Variants in LDAH observed in about 807,000 individuals in gnomAD.
LDAH encodes the protein lipid droplet associated hydrolase.
In LDAH, 26 loss-of-function variants were observed where a neutral mutation model predicts 29.6. The ratio of observed to expected loss-of-function variants is 0.88; its 90% confidence interval spans 0.64 to 1.22. The LOEUF is 1.22. Among genes scored for constraint, LDAH ranks in the 50% most tolerant of loss-of-function variants. LDAH has a pLI of 0.00. For missense variants in LDAH, 344 were observed against 387.3 expected, an observed-to-expected ratio of 0.89 and a Z score of 0.94; for synonymous variants, 117 against 133.0, an observed-to-expected ratio of 0.88 and a Z score of 0.83.
chr2:20,733,397 A>ATTT lies in LDAH; in HGVS notation c.703+6571_703+6573dup, dbSNP rs34191708. The stretch of plus-strand genomic sequence containing the variant: ...ACAGGCTATACCTCCATGCCTGGCT[A>ATTT]TTTTTTTTTTTTTTTTTTTTGAGAC... On this transcript the variant is annotated intron_variant, in intron 5 of 6. Transcript: ENST00000237822. Among the ~76,000 whole-genome samples, 38 of 111,882 alleles carry ATTT rather than the reference A, an allele frequency of 3.4e-4. No homozygotes were observed. In the East Asian group the frequency reaches 4.2e-3, roughly 12 times the overall value. The allele number at this position is 111,882 out of a possible 152,430, so 73.4% of individuals were successfully genotyped here. A position where few individuals can be genotyped will look rare whatever the true frequency, so the allele number is the denominator to read the frequency against.
chr2:20,782,752 T>C (rs112846507), intron 3 of LDAH, among the ~76,000 whole-genome samples: 5,093 of 152,260 alleles, frequency 0.033, 250 homozygotes, highest in African/African-American at 0.11. Flanking sequence ...ATTAATTTTA[T>C]TAGTCTTTTA....
At chr2:20,790,222 T>C in intron 3 of LDAH, 33 bp downstream of exon 3, 1 of 1,611,958 alleles carries the variant, frequency 6.2e-7, no homozygotes. Context: ...CTGCACTCAC[T>C]CTAAAGGAAA....
intron 5 of LDAH, among the ~76,000 whole-genome samples, chr2:20,727,113 C>T (rs973505054): frequency 2.0e-5 from 3 of 152,150 alleles, no homozygotes; most frequent in Non-Finnish European, 4.4e-5. Flanking sequence ...CATGACGGCT[C>T]ACACCTGTAA....
chr2:20,777,174 T>C (rs1669875792), intron 3 of LDAH, among the ~76,000 whole-genome samples: 1 of 152,306 alleles, frequency 6.6e-6, no homozygotes, highest in Admixed American at 6.5e-5. Context: ...GAAAATGGGC[T>C]AAATATTCTA....
At chr2:20,807,399 T>C (rs1340469777) in intron 1 of LDAH, among the ~76,000 whole-genome samples, 1 of 152,132 alleles carries the variant, frequency 6.6e-6, no homozygotes, top group African/African-American at 2.4e-5. Flanking sequence ...AATTTTTACT[T>C]TAAAATGTAC....
intron 4 of LDAH, 114 bp downstream of exon 4, chr2:20,774,696 T>C: frequency 9.7e-7 from 1 of 1,028,624 alleles, no homozygotes. Context: ...CAAATATCCC[T>C]CTCTCTGTTC....
intron 4 of LDAH, among the ~76,000 whole-genome samples, chr2:20,745,345 A>G (rs1163704088): frequency 6.6e-6 from 1 of 152,200 alleles, no homozygotes; most frequent in African/African-American, 2.4e-5. Flanking sequence ...TCTAATAGAC[A>G]TCTTAACAGG....
At chr2:20,790,184 C>A in intron 3 of LDAH, 71 bp downstream of exon 3, 1 of 1,534,906 alleles carries the variant, frequency 6.5e-7, no homozygotes, top group Non-Finnish European at 8.9e-7. Flanking sequence ...TAACTCTTAA[C>A]CTTAGCAAGC....
chr2:20,789,175 G>GCC, intron 3 of LDAH: 1 of 1,550,464 alleles, frequency 6.4e-7, no homozygotes, highest in Non-Finnish European at 8.7e-7. Flanking sequence ...TGCTTATATG[G>GCC]CCCCCAAATC....
chr2:20,788,588 A>G (rs1379489714), intron 3 of LDAH, among the ~76,000 whole-genome samples: 1 of 152,216 alleles, frequency 6.6e-6, no homozygotes, highest in Non-Finnish European at 1.5e-5. Context: ...TTATTGTAAA[A>G]TATCTTTAAA....
At chr2:20,754,239 G>A (rs1000216055) in intron 4 of LDAH, among the ~76,000 whole-genome samples, 2 of 152,002 alleles carry the variant, frequency 1.3e-5, no homozygotes, top group Non-Finnish European at 2.9e-5. Flanking sequence ...TATAATCCTA[G>A]CACTCTGAGA....
At chr2:20,715,793 G>T (rs1188938552) in intron 5 of LDAH, among the ~76,000 whole-genome samples, 1 of 152,048 alleles carries the variant, frequency 6.6e-6, no homozygotes, top group Non-Finnish European at 1.5e-5. Context: ...GCTACAAAGA[G>T]AATAAAATAC....
chr2:20,746,279 T>C (rs113211745), intron 4 of LDAH, among the ~76,000 whole-genome samples: 4,544 of 152,286 alleles, frequency 0.03, 228 homozygotes, highest in African/African-American at 0.1. Context: ...ATTACTTTTA[T>C]AAACGATCCT....
At chr2:20,707,953 A>G (rs1188452213) in intron 5 of LDAH, among the ~76,000 whole-genome samples, 1 of 152,164 alleles carries the variant, frequency 6.6e-6, no homozygotes, top group East Asian at 1.9e-4. Context: ...TGAACTGAGC[A>G]TGCAAGGGAT....
At chr2:20,731,347 C>T (rs568956598) in intron 5 of LDAH, among the ~76,000 whole-genome samples, 1 of 152,254 alleles carries the variant, frequency 6.6e-6, no homozygotes, top group South Asian at 2.1e-4. Flanking sequence ...GGCACCTCTC[C>T]CACTTGTCTT....
chr2:20,701,367 TA>T (rs933965642), intron 6 of LDAH, among the ~76,000 whole-genome samples: 8 of 152,128 alleles, frequency 5.3e-5, no homozygotes, highest in African/African-American at 1.2e-4. Context: ...AAACAGGTGA[TA>T]AAAAAATAAG....
intron 5 of LDAH, among the ~76,000 whole-genome samples, chr2:20,738,208 C>T (rs111322527): frequency 0.015 from 2,301 of 150,872 alleles, 57 homozygotes; most frequent in African/African-American, 0.051. Context: ...GCCGAGATCG[C>T]GCCACTGCAC....
chr2:20,821,995 T>C (rs1673347835), intron 1 of LDAH, among the ~76,000 whole-genome samples: 1 of 152,224 alleles, frequency 6.6e-6, no homozygotes, highest in African/African-American at 2.4e-5. Context: ...ACGTATAGTT[T>C]CAGAAAGAAG....
Position 20,686,731 on chromosome 2 carries a change from A to G in LDAH, c.*172T>C. Reference sequence around the variant, plus strand: ...GTTAAACCTATGGAATGATTCATCAACTGTGTTTACTTCAGCCTATAACAT... The same window carrying G: ...GTTAAACCTATGGAATGATTCATCAGCTGTGTTTACTTCAGCCTATAACAT... On this transcript the variant is annotated 3_prime_UTR_variant, in exon 7 of 7. Transcript: ENST00000237822. 1.8e-6 allele frequency: 1 copy of G among 545,698 alleles called. No individual in the cohort carries two copies. The highest frequency in any genetic ancestry group is 3.2e-6 in the Non-Finnish European group (1 of 310,060). The allele number at this position is 545,698 out of a possible 1,614,324, so 33.8% of individuals were successfully genotyped here.
Sources: gnomAD v4.1 joint callset for allele counts (sites outside exome capture counted in the v4.1 genomes callset) on GRCh38, gnomAD v4.1.1 for gene constraint, MANE v1.5 for transcripts, NCBI Gene and HGNC (gene_info 2026-07-23, HGNC 2026-07-21) for gene names.